Variants in MAGI2 observed in about 807,000 individuals in gnomAD.
MAGI2 encodes membrane-associated guanylate kinase, WW and PDZ domain-containing protein 2.
In MAGI2, 35 loss-of-function variants were observed where a neutral mutation model predicts 133.3. The observed-to-expected ratio is 0.26, with a 90% confidence interval of 0.20 to 0.35. The LOEUF (loss-of-function observed/expected upper bound fraction) is 0.35. MAGI2 is among the 10% of genes least tolerant of loss of function. The pLI is 1.00. For synonymous variants in MAGI2, 729 were observed against 710.6 expected (o/e 1.03, Z -0.41); for missense variants, 1,636 against 1,863.4 (o/e 0.88, Z 2.25).
At chr7:78,284,507 C>T (rs118034794) in intron 9 of MAGI2, among the ~76,000 whole-genome samples, 1,993 of 150,844 alleles carry the variant, frequency 0.013, 28 homozygotes, top group Middle Eastern at 0.079. Context: ...AAGCTGATCA[C>T]GCTGATTTGG....
At chr7:78,292,200 A>T (rs570595041) in intron 9 of MAGI2, among the ~76,000 whole-genome samples, 1 of 152,330 alleles carries the variant, frequency 6.6e-6, no homozygotes, top group East Asian at 1.9e-4. Flanking sequence ...TCTCAGCCCA[A>T]AACCTCCTTA....
In MAGI2 at chr7:79,421,339, TTATTAA is replaced by T. The variant is rs568343556; in HGVS notation, c.301+31675_301+31680del. On this transcript the variant is annotated intron_variant, in intron 1 of 21. Coordinates refer to ENST00000354212, the MANE Select transcript of MAGI2 (RefSeq NM_012301.4). Reference sequence around the variant, plus strand: ...CAATGAGCTTTTAGTGTTACTGCTATTATTAATATTACTCACATTTTATTATCATTT... The same window carrying T: ...CAATGAGCTTTTAGTGTTACTGCTATTATTACTCACATTTTATTATCATTT... Among the ~76,000 whole-genome samples the T allele has an allele frequency of 4.4e-4, 67 of 152,100 alleles. No homozygotes were observed. The East Asian group carries it at 0.012, about 28-fold the overall frequency.
chr7:78,918,051 G>T (rs1001467284), intron 2 of MAGI2, among the ~76,000 whole-genome samples: 2 of 152,096 alleles, frequency 1.3e-5, no homozygotes, highest in Admixed American at 1.3e-4. Context: ...CCTCGAAGGT[G>T]GGTGGCTGAA....
intron 2 of MAGI2, among the ~76,000 whole-genome samples, chr7:78,639,355 A>T (rs977872231): frequency 2.0e-5 from 3 of 151,820 alleles, no homozygotes; most frequent in Admixed American, 2.0e-4. Flanking sequence ...TATTTTTTTT[A>T]TTGAGGCTCT....
At chr7:78,987,546 G>A (rs991519009) in intron 2 of MAGI2, among the ~76,000 whole-genome samples, 2 of 151,874 alleles carry the variant, frequency 1.3e-5, no homozygotes, top group African/African-American at 2.4e-5. Flanking sequence ...TTCAAGTCAC[G>A]GATTTATCTA....
At chr7:78,697,504 C>T (rs1817641449) in intron 2 of MAGI2, among the ~76,000 whole-genome samples, 1 of 152,180 alleles carries the variant, frequency 6.6e-6, no homozygotes, top group Non-Finnish European at 1.5e-5. Flanking sequence ...CTCATCTTTA[C>T]AATGGATATG....
chr7:78,211,574 A>G (rs1787772691), intron 10 of MAGI2, among the ~76,000 whole-genome samples: 1 of 152,196 alleles, frequency 6.6e-6, no homozygotes, highest in African/African-American at 2.4e-5. Flanking sequence ...CTAACCTCTC[A>G]GAGGCTCAGA....
At chr7:79,180,391 C>T (rs936534230) in intron 1 of MAGI2, among the ~76,000 whole-genome samples, 5 of 151,940 alleles carry the variant, frequency 3.3e-5, no homozygotes, top group East Asian at 3.9e-4. Flanking sequence ...CAATCATGGC[C>T]GAAGGCAAGG....
intron 6 of MAGI2, among the ~76,000 whole-genome samples, chr7:78,475,718 G>C (rs1175037667): frequency 6.6e-6 from 1 of 151,788 alleles, no homozygotes; most frequent in Admixed American, 6.6e-5. Context: ...GAAAAAGAGA[G>C]TCATCAGCAT....
At chr7:79,043,785 T>C (rs1166082473) in intron 1 of MAGI2, among the ~76,000 whole-genome samples, 1 of 151,778 alleles carries the variant, frequency 6.6e-6, no homozygotes, top group Non-Finnish European at 1.5e-5. Flanking sequence ...TGCACACAAC[T>C]AGAAAATGTA....
intron 3 of MAGI2, among the ~76,000 whole-genome samples, chr7:78,565,032 A>C (rs1800805248): frequency 6.6e-6 from 1 of 151,692 alleles, no homozygotes; most frequent in South Asian, 2.1e-4. Flanking sequence ...TGACCTTGTG[A>C]TCCGTCTGCC....
At chr7:78,080,188 C>CA (rs1481707678) in intron 20 of MAGI2, among the ~76,000 whole-genome samples, 1 of 152,170 alleles carries the variant, frequency 6.6e-6, no homozygotes, top group East Asian at 1.9e-4. Flanking sequence ...GGGGGAAGAA[C>CA]ATGTTTGTTG....
intron 20 of MAGI2, among the ~76,000 whole-genome samples, chr7:78,079,358 G>A (rs1815711442): frequency 6.6e-6 from 1 of 152,158 alleles, no homozygotes; most frequent in South Asian, 2.1e-4. Context: ...GACAGAGACT[G>A]TAAACTAGTT....
At chr7:78,153,320 G>C (rs562138569) in intron 16 of MAGI2, among the ~76,000 whole-genome samples, 1 of 152,190 alleles carries the variant, frequency 6.6e-6, no homozygotes, top group Non-Finnish European at 1.5e-5. Context: ...ACTGAAAGGG[G>C]CGTGCCTTAA....
At chr7:78,133,153 G>T in intron 17 of MAGI2, 93 bp from the exon 18 acceptor site, 1 of 996,144 alleles carries the variant, frequency 1.0e-6, no homozygotes, top group African/African-American at 1.7e-5. Context: ...CTCTGCTGAT[G>T]GCTCAGGCTT....
intron 1 of MAGI2, among the ~76,000 whole-genome samples, chr7:79,311,735 A>G (rs1838308353): frequency 6.6e-6 from 1 of 152,072 alleles, no homozygotes; most frequent in Non-Finnish European, 1.5e-5. Context: ...AAACACCTCA[A>G]ATTTAACATT....
At position 79,196,940 on chromosome 7, in the gene MAGI2, G is replaced by T. The variant is rs964030465; in HGVS notation, c.302-189734C>A. Among the ~76,000 whole-genome samples the T allele has an allele frequency of 4.0e-5, 6 of 150,702 alleles. 1 individual carries two copies. Among genetic ancestry groups the T allele is most frequent in the South Asian group, 2.1e-4 (1 of 4,776 alleles). ...ACACCACCATGCCTAGTTAATTTTT[G>T]ATTTTTTATATATATAGAGAGAGAG... On this transcript the variant is annotated intron_variant, in intron 1 of 21. Coordinates refer to ENST00000354212, the MANE Select transcript of MAGI2 (RefSeq NM_012301.4).
intron 3 of MAGI2, among the ~76,000 whole-genome samples, chr7:78,537,496 A>T (rs779488291): frequency 9.2e-5 from 14 of 152,274 alleles, no homozygotes; most frequent in Non-Finnish European, 1.6e-4. Flanking sequence ...CACCACATCC[A>T]TGCCAACATC....
At chr7:79,238,371 T>A (rs1259141240) in intron 1 of MAGI2, among the ~76,000 whole-genome samples, 1 of 152,166 alleles carries the variant, frequency 6.6e-6, no homozygotes, top group Non-Finnish European at 1.5e-5. Context: ...GTGTTTCTGT[T>A]CCTTTTTGAT....
Sources: allele counts gnomAD v4.1 joint callset (sites outside exome capture counted in the v4.1 genomes callset), GRCh38; gene constraint gnomAD v4.1.1; transcripts MANE v1.5; gene names NCBI Gene and HGNC (gene_info 2026-07-23, HGNC 2026-07-21).